Variants in CLSTN2 observed in about 807,000 individuals in gnomAD.
CLSTN2 encodes calsyntenin-2.
Under a neutral mutation model 101.2 loss-of-function variants are expected in CLSTN2, and 48 were observed. That is an observed-to-expected ratio of 0.47 (90% CI 0.38 to 0.60). The LOEUF (loss-of-function observed/expected upper bound fraction) is 0.60, where lower values mean the gene tolerates loss of function less well. Ranked by LOEUF, CLSTN2 falls within the 20% of genes least tolerant of loss-of-function variation. CLSTN2 has a pLI of 0.00. For synonymous variants in CLSTN2, 481 were observed against 463.6 expected, an observed-to-expected ratio of 1.04 and a Z score of -0.48; for missense variants, 1,160 against 1,238.2, an observed-to-expected ratio of 0.94 and a Z score of 0.95.
At chr3:140,237,031 G>A (rs1177712125) in intron 2 of CLSTN2, among the ~76,000 whole-genome samples, 4 of 151,798 alleles carry the variant, frequency 2.6e-5, no homozygotes, top group African/African-American at 9.7e-5. Context: ...CATGAGTCAT[G>A]TTTTCTGGAC....
chr3:140,535,653 C>T (rs549052964), intron 9 of CLSTN2, among the ~76,000 whole-genome samples: 23 of 152,312 alleles, frequency 1.5e-4, no homozygotes, highest in Admixed American at 4.6e-4. Flanking sequence ...CTTATGGAAA[C>T]TTTAAAAGCT....
In CLSTN2 at chr3:140,576,143, G is replaced by A. The variant is rs347970; in HGVS notation, c.*9890G>A. 0.31 allele frequency: 46,797 copies of A among 152,050 alleles called. 10,060 individuals are homozygous for A. The highest frequency in any genetic ancestry group is 0.72 in the East Asian group (3,730 of 5,154). The allele number at this position is 152,050 out of a possible 1,614,324, so 9.4% of individuals were successfully genotyped here. ...CCAGCCACACTCCCTCTTAGCTGAG[G>A]AGAAGCCTCTGTGAATCCACAGATT... On this transcript the variant is annotated 3_prime_UTR_variant, in exon 17 of 17. Coordinates refer to ENST00000458420, the MANE Select transcript of CLSTN2 (RefSeq NM_022131.3).
chr3:140,117,629 C>T (rs1483177500), intron 1 of CLSTN2, among the ~76,000 whole-genome samples: 1 of 152,136 alleles, frequency 6.6e-6, no homozygotes, highest in Non-Finnish European at 1.5e-5. Flanking sequence ...TGTTGTCTGC[C>T]CCTTTTCCTT....
chr3:140,407,648 G>A (rs1168466616), intron 4 of CLSTN2, among the ~76,000 whole-genome samples: 1 of 152,090 alleles, frequency 6.6e-6, no homozygotes, highest in Non-Finnish European at 1.5e-5. Context: ...TTATTTACCA[G>A]GCTTAAATTA....
At chr3:139,957,758 A>G (rs1001119329) in intron 1 of CLSTN2, among the ~76,000 whole-genome samples, 1 of 152,130 alleles carries the variant, frequency 6.6e-6, no homozygotes, top group Non-Finnish European at 1.5e-5. Flanking sequence ...TCAGCAGAGG[A>G]CATGTGCTAG....
At chr3:140,341,620 C>T (rs60170614) in intron 2 of CLSTN2, among the ~76,000 whole-genome samples, 2,383 of 152,344 alleles carry the variant, frequency 0.016, 52 homozygotes, top group African/African-American at 0.055. Context: ...AGTCGGCTTA[C>T]ACCTTCTTCC....
intron 1 of CLSTN2, among the ~76,000 whole-genome samples, chr3:140,078,438 C>T (rs914962398): frequency 6.6e-6 from 1 of 152,108 alleles, no homozygotes; most frequent in Non-Finnish European, 1.5e-5. Flanking sequence ...ACTACTGAGA[C>T]CATTACAAAA....
chr3:139,956,985 T>C lies in CLSTN2; in HGVS notation c.109+21502T>C, dbSNP rs141484022. 1.7e-3 allele frequency among the ~76,000 whole-genome samples: 258 copies of C among 152,292 alleles called. 1 individual carries two copies. Among genetic ancestry groups the C allele is most frequent in the African/African-American group, 5.1e-3 (212 of 41,560 alleles). ...GAGCATAGAAAGCTGCAATGAGCGT[T>C]GCCAATTTGAAAGACAGGTTTTTTG... On this transcript the variant is annotated intron_variant, in intron 1 of 16. Transcript: ENST00000458420.
chr3:140,210,866 A>C (rs1036884164), intron 2 of CLSTN2, among the ~76,000 whole-genome samples: 9 of 152,164 alleles, frequency 5.9e-5, no homozygotes, highest in African/African-American at 2.2e-4. Context: ...GCACCTAAAT[A>C]GCTATGAATC....
chr3:140,397,728 T>G (rs1187423892), intron 2 of CLSTN2, among the ~76,000 whole-genome samples: 3 of 152,212 alleles, frequency 2.0e-5, no homozygotes, highest in Non-Finnish European at 4.4e-5. Context: ...TTCACTTTGG[T>G]GATTTGGTTT....
chr3:140,392,847 TA>T (rs1164415675), intron 2 of CLSTN2, among the ~76,000 whole-genome samples: 6 of 152,092 alleles, frequency 3.9e-5, no homozygotes, highest in East Asian at 1.9e-4. Context: ...AAAAAGAACT[TA>T]TTTTTTTTTT....
At chr3:140,191,259 A>G (rs1301323283) in intron 2 of CLSTN2, among the ~76,000 whole-genome samples, 1 of 152,014 alleles carries the variant, frequency 6.6e-6, no homozygotes, top group Non-Finnish European at 1.5e-5. Flanking sequence ...CTTAGACTAA[A>G]TCCTACTCAA....
intron 1 of CLSTN2, among the ~76,000 whole-genome samples, chr3:140,071,737 A>G (rs1225696249): frequency 1.3e-5 from 2 of 152,148 alleles, no homozygotes; most frequent in African/African-American, 4.8e-5. Context: ...AGGCTGAGGC[A>G]GGAGAATGGC....
At chr3:140,040,215 C>T (rs2007734336) in intron 1 of CLSTN2, among the ~76,000 whole-genome samples, 1 of 152,058 alleles carries the variant, frequency 6.6e-6, no homozygotes, top group Admixed American at 6.6e-5. Context: ...TCAATGACCC[C>T]CTACATATGG....
At chr3:140,244,712 C>A (rs182282809) in intron 2 of CLSTN2, among the ~76,000 whole-genome samples, 1 of 152,196 alleles carries the variant, frequency 6.6e-6, no homozygotes, top group Non-Finnish European at 1.5e-5. Context: ...CTATTGAACA[C>A]CTTCCCAAAC....
chr3:140,370,870 C>A (rs563093838), intron 2 of CLSTN2, among the ~76,000 whole-genome samples: 1 of 152,020 alleles, frequency 6.6e-6, no homozygotes, highest in African/African-American at 2.4e-5. Flanking sequence ...ACATGCCCCA[C>A]CCTAGCACCG....
At chr3:140,081,495 G>A (rs751497408) in intron 1 of CLSTN2, among the ~76,000 whole-genome samples, 11 of 152,158 alleles carry the variant, frequency 7.2e-5, no homozygotes, top group African/African-American at 1.7e-4. Flanking sequence ...GACATGAGGC[G>A]GAGACGTTTA....
intron 10 of CLSTN2, among the ~76,000 whole-genome samples, chr3:140,553,712 T>A (rs551299159): frequency 6.6e-6 from 1 of 152,292 alleles, no homozygotes; most frequent in South Asian, 2.1e-4. Flanking sequence ...CGAGCATCTT[T>A]CAGGATCTTT....
Position 140,421,157 on chromosome 3 carries a change from GACAA to G in CLSTN2, c.675_678del (p.Lys225AsnfsTer8). 6.2e-7 allele frequency: 1 copy of G among 1,614,132 alleles called. No homozygotes were observed. Among genetic ancestry groups the G allele is most frequent in the Non-Finnish European group, 8.5e-7 (1 of 1,179,996 alleles). ...CAGGAACACTGAGAAGCTGAGCTAT[GACAA>G]ACAACACCAGTATGAGATCCTGGTG... On this transcript the variant is annotated frameshift_variant, in exon 5 of 17. Transcript: ENST00000458420. LOFTEE classifies it high-confidence loss of function.
Sources: gnomAD v4.1 joint callset for allele counts (sites outside exome capture counted in the v4.1 genomes callset) on GRCh38, gnomAD v4.1.1 for gene constraint, MANE v1.5 for transcripts, NCBI Gene and HGNC (gene_info 2026-07-23, HGNC 2026-07-21) for gene names.